Variants in SDCCAG8 observed in about 807,000 individuals in gnomAD.
The protein encoded by SDCCAG8 is serologically defined colon cancer antigen 8.
In SDCCAG8, 74 loss-of-function variants were observed where a neutral mutation model predicts 101.8. The observed-to-expected ratio is 0.73, with a 90% CI of 0.60 to 0.88. The LOEUF (loss-of-function observed/expected upper bound fraction) is 0.88. Among genes scored for constraint, SDCCAG8 ranks in the 40% least tolerant of loss-of-function variants. The pLI is 0.00. For synonymous variants in SDCCAG8, 281 were observed against 292.9 expected (o/e 0.96, Z 0.41); for missense variants, 787 against 822.6 (o/e 0.96, Z 0.53).
intron 13 of SDCCAG8, among the ~76,000 whole-genome samples, chr1:243,408,937 C>A (rs1432959878): frequency 6.6e-6 from 1 of 151,962 alleles, no homozygotes; most frequent in East Asian, 1.9e-4. Flanking sequence ...ATGAAGAACC[C>A]CAGTATTAAA....
At chr1:243,390,432 A>G (rs902284563) in intron 13 of SDCCAG8, among the ~76,000 whole-genome samples, 1 of 152,250 alleles carries the variant, frequency 6.6e-6, no homozygotes, top group African/African-American at 2.4e-5. Flanking sequence ...GCTCTGGTGG[A>G]CACCACACTG....
At chr1:243,432,521 GAACTT>G (rs2081856850) in intron 16 of SDCCAG8, among the ~76,000 whole-genome samples, 1 of 152,014 alleles carries the variant, frequency 6.6e-6, no homozygotes, top group Non-Finnish European at 1.5e-5. Flanking sequence ...GTATACCCCT[GAACTT>G]AAAAGTTTTA....
intron 8 of SDCCAG8, 122 bp from the exon 9 acceptor site, chr1:243,316,633 A>G: frequency 3.4e-6 from 4 of 1,183,556 alleles, no homozygotes; most frequent in Non-Finnish European, 3.7e-6. Context: ...GCTTTATTTC[A>G]TATGTGCTCA....
intron 13 of SDCCAG8, among the ~76,000 whole-genome samples, chr1:243,406,722 C>T (rs1175308244): frequency 1.3e-5 from 2 of 152,134 alleles, no homozygotes; most frequent in Non-Finnish European, 2.9e-5. Flanking sequence ...CAATAATCTC[C>T]CCTCCACCAA....
intron 2 of SDCCAG8, 37 bp from the exon 3 acceptor site, chr1:243,270,941 A>G (rs1489870246): frequency 6.8e-7 from 1 of 1,477,478 alleles, no homozygotes; most frequent in African/African-American, 1.4e-5. Flanking sequence ...CATGGATCTC[A>G]AATAAGGTTA....
chr1:243,369,966 A>G (rs1345610591), intron 12 of SDCCAG8, among the ~76,000 whole-genome samples: 1 of 151,960 alleles, frequency 6.6e-6, no homozygotes, highest in Non-Finnish European at 1.5e-5. Context: ...GTCTTTATCC[A>G]TTTCAATCTG....
rs191819489 is a variant in SDCCAG8 at position 243,276,050 on chromosome 1, G to A, written c.420+1394G>A. ...AGCTAATTTTTGTATTTTTTGTAGA[G>A]ACGGGGTTTCACCATGTTGGCCAGC... On this transcript the variant is annotated intron_variant, in intron 4 of 17. Transcript: ENST00000366541. Among the ~76,000 whole-genome samples, 251 of 151,986 alleles carry A rather than the reference G, an allele frequency of 1.7e-3. 1 individual carries two copies. The highest frequency in any genetic ancestry group is 0.01 in the Middle Eastern group (3 of 294).
chr1:243,490,646 TGA>T (rs1219832647), intron 17 of SDCCAG8, among the ~76,000 whole-genome samples: 1 of 152,250 alleles, frequency 6.6e-6, no homozygotes, highest in East Asian at 1.9e-4. Flanking sequence ...CTGGGAGTGC[TGA>T]GTGCAGGCGG....
At chr1:243,466,770 A>C (rs529799514) in intron 16 of SDCCAG8, among the ~76,000 whole-genome samples, 1 of 152,384 alleles carries the variant, frequency 6.6e-6, no homozygotes, top group Admixed American at 6.5e-5. Flanking sequence ...TGACTAAGGA[A>C]GGTGCTCAAG....
intron 12 of SDCCAG8, among the ~76,000 whole-genome samples, chr1:243,367,795 ATAT>A (rs909568631): frequency 3.3e-5 from 5 of 150,120 alleles, no homozygotes; most frequent in Middle Eastern, 3.5e-3. Context: ...ATATATCTAA[ATAT>A]TATATGTAAA....
chr1:243,318,452 G>A (rs377300580), intron 9 of SDCCAG8: 6 of 474,364 alleles, frequency 1.3e-5, no homozygotes, highest in African/African-American at 4.2e-5. Flanking sequence ...ACAAAACCCC[G>A]TGACATGAGT....
At chr1:243,375,397 C>T (rs1436008083) in intron 12 of SDCCAG8, among the ~76,000 whole-genome samples, 4 of 151,902 alleles carry the variant, frequency 2.6e-5, no homozygotes, top group African/African-American at 4.8e-5. Context: ...ATTTAATCAA[C>T]AATAAAAAGA....
At chr1:243,362,006 A>C (rs576894130) in intron 12 of SDCCAG8, among the ~76,000 whole-genome samples, 9 of 151,486 alleles carry the variant, frequency 5.9e-5, no homozygotes, top group Non-Finnish European at 7.4e-5. Context: ...GGGTGAAGAG[A>C]TGGCCAAGTG....
chr1:243,452,962 C>T (rs761436966), intron 16 of SDCCAG8, among the ~76,000 whole-genome samples: 28 of 152,276 alleles, frequency 1.8e-4, no homozygotes, highest in South Asian at 4.1e-4. Flanking sequence ...GTGAGTGCCA[C>T]GAGGCAAGGA....
chr1:243,268,622 C>G (rs568142785), intron 1 of SDCCAG8, among the ~76,000 whole-genome samples: 1 of 152,220 alleles, frequency 6.6e-6, no homozygotes, highest in South Asian at 2.1e-4. Context: ...TTTCTTTTAT[C>G]AAAGTAGAAA....
chr1:243,498,457 G>C (rs946044770), intron 17 of SDCCAG8, among the ~76,000 whole-genome samples: 1 of 152,180 alleles, frequency 6.6e-6, no homozygotes, highest in Non-Finnish European at 1.5e-5. Context: ...TTTACGAGGA[G>C]GAGTGAGGCC....
chr1:243,489,247 C>A, intron 17 of SDCCAG8, 107 bp downstream of exon 17: 1 of 1,436,262 alleles, frequency 7.0e-7, no homozygotes, highest in Non-Finnish European at 9.5e-7. Flanking sequence ...CATCGGTTAG[C>A]AGTAAGCTGG....
intron 4 of SDCCAG8, among the ~76,000 whole-genome samples, chr1:243,276,589 A>G (rs955116848): frequency 6.6e-6 from 1 of 152,164 alleles, no homozygotes; most frequent in Non-Finnish European, 1.5e-5. Flanking sequence ...CTTGTTATTA[A>G]CATCTTGCAT....
At chr1:243,449,916 C>T (rs2083228525) in intron 16 of SDCCAG8, among the ~76,000 whole-genome samples, 1 of 152,180 alleles carries the variant, frequency 6.6e-6, no homozygotes, top group African/African-American at 2.4e-5. Context: ...CAATAAATGG[C>T]TCCAAGGAAG....
Sources: allele counts gnomAD v4.1 joint callset (sites outside exome capture counted in the v4.1 genomes callset), GRCh38; gene constraint gnomAD v4.1.1; transcripts MANE v1.5; gene names NCBI Gene and HGNC (gene_info 2026-07-23, HGNC 2026-07-21).